Variants in SOX5 observed in about 807,000 individuals in gnomAD.
SOX5 encodes the protein SRY-box transcription factor 5, also known as transcription factor SOX-5.
A neutral mutation model predicts 92.0 loss-of-function variants in SOX5; 9 were observed. That is an observed-to-expected ratio of 0.10 (90% CI 0.06 to 0.17). The LOEUF is 0.17. SOX5 is among the 10% of genes least tolerant of loss of function. The probability of loss-of-function intolerance (pLI) is 1.00; values close to 1 mark genes in which losing one functional copy is unlikely to be tolerated. For missense variants in SOX5, 642 were observed against 944.5 expected (o/e 0.68, Z 4.20); for synonymous variants, 344 against 336.3 (o/e 1.02, Z -0.25).
intron 9 of SOX5, chr12:23,584,730 AGTGTGT>A (rs34653390): frequency 1.3e-5 from 8 of 602,358 alleles, no homozygotes; most frequent in East Asian, 2.8e-5. Flanking sequence ...GACAGGTGTG[AGTGTGT>A]GTGTGTGTGT....
At chr12:24,284,550 C>T (rs1595158171) in intron 2 of SOX5, among the ~76,000 whole-genome samples, 1 of 152,162 alleles carries the variant, frequency 6.6e-6, no homozygotes, top group Non-Finnish European at 1.5e-5. Flanking sequence ...TCATCAACCA[C>T]ATCCAAATTT....
Position 23,907,189 on chromosome 12 carries a change from T to C in SOX5, c.39-11165A>G, listed in dbSNP as rs182315408. 1.1e-3 allele frequency among the ~76,000 whole-genome samples: 161 copies of C among 152,216 alleles called. 1 individual carries two copies. The highest frequency in any genetic ancestry group is 1.9e-3 in the Non-Finnish European group (128 of 68,022). ...GCAACCATGTGTGTGCATGTGTGTA[T>C]GTGTGCACACGTGCGTGCAGAGAGA... On this transcript the variant is annotated intron_variant, in intron 1 of 14. Coordinates refer to ENST00000451604, the MANE Select transcript of SOX5 (RefSeq NM_006940.6).
At chr12:24,166,511 C>T (rs555580677) in intron 4 of SOX5, among the ~76,000 whole-genome samples, 2 of 152,080 alleles carry the variant, frequency 1.3e-5, no homozygotes, top group African/African-American at 2.4e-5. Context: ...ACAACTTTAG[C>T]CCCCCTAATT....
chr12:23,971,712 T>C (rs1948364109), intron 4 of SOX5, among the ~76,000 whole-genome samples: 1 of 152,076 alleles, frequency 6.6e-6, no homozygotes, highest in Admixed American at 6.6e-5. Flanking sequence ...AATTCTCTTA[T>C]TCTGAAATGT....
chr12:23,740,463 C>A (rs977107372), intron 5 of SOX5, among the ~76,000 whole-genome samples: 8 of 152,074 alleles, frequency 5.3e-5, no homozygotes, highest in Non-Finnish European at 1.0e-4. Context: ...AACTTCCTGC[C>A]CCCAGCTGGA....
chr12:24,005,543 C>T (rs909595780), intron 4 of SOX5, among the ~76,000 whole-genome samples: 1 of 152,160 alleles, frequency 6.6e-6, no homozygotes, highest in Non-Finnish European at 1.5e-5. Context: ...TGACTTATTT[C>T]TTCACTAAAT....
At chr12:24,039,918 A>G (rs1283632115) in intron 4 of SOX5, among the ~76,000 whole-genome samples, 2 of 152,346 alleles carry the variant, frequency 1.3e-5, no homozygotes, top group African/African-American at 4.8e-5. Context: ...CAGATACAAT[A>G]GAAGTGAACA....
chr12:23,710,972 T>C (rs1275416985), intron 6 of SOX5, among the ~76,000 whole-genome samples: 1 of 152,196 alleles, frequency 6.6e-6, no homozygotes, highest in Non-Finnish European at 1.5e-5. Flanking sequence ...GGTTTTGATT[T>C]AGTGCTATAT....
intron 11 of SOX5, among the ~76,000 whole-genome samples, chr12:23,548,492 A>G (rs938640729): frequency 6.6e-6 from 1 of 151,996 alleles, no homozygotes. Context: ...AGTAAGCTGT[A>G]CTTTCTCGTA....
intron 1 of SOX5, among the ~76,000 whole-genome samples, chr12:23,929,852 T>C (rs1010799760): frequency 6.6e-6 from 1 of 151,924 alleles, no homozygotes; most frequent in African/African-American, 2.4e-5. Context: ...AAAAACAGCA[T>C]TGAAGTTTAT....
intron 4 of SOX5, among the ~76,000 whole-genome samples, chr12:24,067,692 C>T (rs1231064101): frequency 6.6e-6 from 1 of 152,198 alleles, no homozygotes; most frequent in East Asian, 1.9e-4. Flanking sequence ...TCACTTCCTT[C>T]TCTACAGCTT....
chr12:23,590,249 T>A (rs73273875), intron 9 of SOX5, among the ~76,000 whole-genome samples: 3,730 of 152,036 alleles, frequency 0.025, 147 homozygotes, highest in African/African-American at 0.085. Context: ...GGCAGAAGTA[T>A]TAATTAGGCT....
chr12:23,674,360 G>C, intron 6 of SOX5, among the ~76,000 whole-genome samples: 1 of 13,872 alleles, frequency 7.2e-5, no homozygotes, highest in South Asian at 2.0e-3. Context: ...TTTTTGAGAC[G>C]GAGTTTCGCT....
intron 3 of SOX5, among the ~76,000 whole-genome samples, chr12:23,797,975 C>T (rs2095595345): frequency 6.6e-6 from 1 of 151,760 alleles, no homozygotes; most frequent in Admixed American, 6.6e-5. Context: ...CTGGAATGAT[C>T]GTCCCCCAAA....
chr12:24,154,817 T>C (rs1365469309), intron 4 of SOX5, among the ~76,000 whole-genome samples: 2 of 152,112 alleles, frequency 1.3e-5, no homozygotes, highest in Non-Finnish European at 2.9e-5. Flanking sequence ...ATACAATTCA[T>C]AAATTACACT....
chr12:23,650,214 C>T (rs1450016655), intron 7 of SOX5, among the ~76,000 whole-genome samples: 1 of 151,960 alleles, frequency 6.6e-6, no homozygotes, highest in South Asian at 2.1e-4. Flanking sequence ...TTCTGGAAAC[C>T]TGAAAGAAAG....
intron 4 of SOX5, among the ~76,000 whole-genome samples, chr12:24,181,004 G>T (rs995395395): frequency 3.3e-5 from 5 of 152,158 alleles, no homozygotes; most frequent in African/African-American, 1.2e-4. Flanking sequence ...TGTTTAAAGA[G>T]AAGTATTTTT....
rs71059938 is a variant in SOX5, at chr12:23,872,164, A to ATTTTTTTTTTTTTT, written c.270+23615_270+23628dup. ...AGGCGCCCGCCACCACGCCCGGCTA[A>ATTTTTTTTTTTTTT]TTTTTTTTTTTTTTTTTTTTTTTTT... On this transcript the variant is annotated intron_variant, in intron 2 of 14. Coordinates refer to ENST00000451604, the MANE Select transcript of SOX5 (RefSeq NM_006940.6). Among the ~76,000 whole-genome samples the ATTTTTTTTTTTTTT allele has an allele frequency of 1.4e-3, 85 of 61,650 alleles. 7 individuals are homozygous for ATTTTTTTTTTTTTT. The highest frequency in any genetic ancestry group is 4.6e-3 in the African/African-American group (80 of 17,434). 40.4% of individuals were successfully genotyped at this position (61,650 alleles called of 152,430 possible). A position where few individuals can be genotyped will look rare whatever the true frequency, so the allele number is the denominator to read the frequency against.
rs11836492 is a variant in SOX5 at position 23,956,324 on chromosome 12, G to T, written c.-1-60300C>A. Among the ~76,000 whole-genome samples the T allele has an allele frequency of 9.8e-3, 1,496 of 152,212 alleles. 36 individuals are homozygous for T. Among genetic ancestry groups the T allele is most frequent in the African/African-American group, 0.034 (1,404 of 41,524 alleles). On this transcript the variant is annotated intron_variant, in intron 4 of 4. Coordinates refer to the SOX5 transcript ENST00000446891. ...AAGGCAGGGATCTCCAACCCCCAAG[G>T]CCAGTACTGGTCCATGTCCTGTTAT...
Sources: gnomAD v4.1 joint callset for allele counts (sites outside exome capture counted in the v4.1 genomes callset) on GRCh38, gnomAD v4.1.1 for gene constraint, MANE v1.5 for transcripts, NCBI Gene and HGNC (gene_info 2026-07-23, HGNC 2026-07-21) for gene names.